ABHD18: variants seen among roughly 807,000 people sequenced by gnomAD.
The protein encoded by ABHD18 is cardiolipin-specific deacylase, mitochondrial.
ABHD18 carries 55 observed loss-of-function variants against 65.9 expected under a neutral mutation model. That is an observed-to-expected ratio of 0.84 (90% CI 0.67 to 1.05). The LOEUF (loss-of-function observed/expected upper bound fraction) is 1.05, where lower values mean the gene tolerates loss of function less well. Among genes scored for constraint, ABHD18 ranks in the 50% least tolerant of loss-of-function variants. The pLI is 0.00. For missense variants in ABHD18, 533 were observed against 558.5 expected (o/e 0.95, Z 0.46); for synonymous variants, 181 against 180.2 (o/e 1.00, Z -0.04).
At position 128,030,681 on chromosome 4, in the gene ABHD18, G is replaced by T. The variant is rs755224580; in HGVS notation, c.1343+9G>T. 3 of 1,573,772 alleles carry T rather than the reference G, an allele frequency of 1.9e-6. No homozygotes were observed. In the African/African-American group the frequency reaches 4.2e-5, roughly 22 times the overall value. The stretch of plus-strand genomic sequence containing the variant: ...AAACAAGGACTCTTCAGGTAAGACG[G>T]CTGGTCTAAACATGTATTCGTTCAT... On this transcript the variant is annotated intron_variant, in intron 12 of 12. Transcript: ENST00000645843.
rs1359365717 is a variant in ABHD18 at position 128,036,476 on chromosome 4, T to TA, written c.*665dup. ...GGCAGGGTGCGGTGGCTCACGCCTGTAATCCCAGCACTGGGATGCTGAAGC... is the reference window on the plus strand; with the variant it reads ...GGCAGGGTGCGGTGGCTCACGCCTGTAAATCCCAGCACTGGGATGCTGAAGC... On this transcript the variant is annotated 3_prime_UTR_variant, in exon 13 of 13. Transcript: ENST00000645843. 1 of 152,346 alleles carries TA rather than the reference T, an allele frequency of 6.6e-6. No homozygotes were observed. Among genetic ancestry groups the TA allele is most frequent in the Non-Finnish European group, 1.5e-5 (1 of 68,148 alleles). The allele number at this position is 152,346 out of a possible 1,614,324, so 9.4% of individuals were successfully genotyped here. A position where few individuals can be genotyped will look rare whatever the true frequency, so the allele number is the denominator to read the frequency against.
intron 7 of ABHD18, among the ~76,000 whole-genome samples, chr4:128,011,925 G>A (rs1373207999): frequency 1.3e-5 from 2 of 151,650 alleles, no homozygotes; most frequent in African/African-American, 4.8e-5. Context: ...ATTTTAACAG[G>A]TAGACTTAAT....
At chr4:127,999,336 C>T (rs947246457) in intron 4 of ABHD18, among the ~76,000 whole-genome samples, 9 of 152,052 alleles carry the variant, frequency 5.9e-5, no homozygotes, top group East Asian at 1.9e-4. Context: ...TAGTTCTTAC[C>T]ATAGCTTAAA....
chr4:128,005,199 G>A (rs141382424), intron 4 of ABHD18, among the ~76,000 whole-genome samples: 3 of 152,266 alleles, frequency 2.0e-5, no homozygotes, highest in East Asian at 3.9e-4. Flanking sequence ...ACTGCACTCC[G>A]GCTTTTGCAA....
chr4:128,017,325 A>G (rs1485560811), intron 7 of ABHD18, 38 bp from the exon 8 acceptor site: 2 of 1,599,812 alleles, frequency 1.3e-6, no homozygotes, highest in South Asian at 1.1e-5. Flanking sequence ...ATGTAAATAC[A>G]TAAAATAATC....
At chr4:128,021,094 G>T in intron 9 of ABHD18, 43 bp from the exon 10 acceptor site, 1 of 1,197,396 alleles carries the variant, frequency 8.4e-7, no homozygotes, top group South Asian at 1.3e-5. Context: ...TGGGCAAATT[G>T]CCTTATGATG....
intron 10 of ABHD18, among the ~76,000 whole-genome samples, chr4:128,026,027 G>A (rs1237600446): frequency 2.6e-5 from 4 of 151,822 alleles, no homozygotes; most frequent in East Asian, 1.9e-4. Context: ...GGTGGCTCAC[G>A]CCTGTAATCC....
At position 128,030,500 on chromosome 4, in the gene ABHD18, C is replaced by A; in HGVS notation, c.1181-10C>A. The A allele has an allele frequency of 6.6e-7, 1 of 1,509,906 alleles. No individual in the cohort carries two copies. Among genetic ancestry groups the A allele is most frequent in the South Asian group, 1.3e-5 (1 of 74,200 alleles). 93.5% of individuals were successfully genotyped at this position (1,509,906 alleles called of 1,614,324 possible). ...TGTATATGTTGAATTTTTAAAAATC[C>A]TATACCTAGTCCCAGTTGATCCAAG... On this transcript the variant is annotated splice_polypyrimidine_tract_variant and intron_variant, in intron 11 of 12. Transcript: ENST00000645843.
Position 128,038,397 on chromosome 4 carries a change from GT to G in ABHD18, c.*2588del, listed in dbSNP as rs1404369216. 1 of 152,080 alleles carries G rather than the reference GT, an allele frequency of 6.6e-6. No individual in the cohort carries two copies. The highest frequency in any genetic ancestry group is 1.5e-5 in the Non-Finnish European group (1 of 68,030). 9.4% of individuals were successfully genotyped at this position (152,080 alleles called of 1,614,324 possible). A position where few individuals can be genotyped will look rare whatever the true frequency, so the allele number is the denominator to read the frequency against. On this transcript the variant is annotated 3_prime_UTR_variant, in exon 13 of 13. Transcript: ENST00000645843. ...ATGATTGAATGCTTTTTGAACAATG[GT>G]TTTAGTAAAACAAATACTTTATTAT... is the stretch of plus-strand genomic sequence containing the variant.
intron 12 of ABHD18, among the ~76,000 whole-genome samples, chr4:128,033,225 G>A (rs1282633936): frequency 6.6e-6 from 1 of 152,020 alleles, no homozygotes; most frequent in East Asian, 1.9e-4. Flanking sequence ...CTGCACTCCA[G>A]CCTGGGTGAC....
chr4:127,974,364 C>T (rs1747488530), intron 1 of ABHD18, among the ~76,000 whole-genome samples: 1 of 150,948 alleles, frequency 6.6e-6, no homozygotes, highest in Admixed American at 6.6e-5. Context: ...TGGACCACTG[C>T]ACCCAACTGT....
intron 1 of ABHD18, among the ~76,000 whole-genome samples, chr4:127,971,940 C>T (rs1308958134): frequency 1.3e-5 from 2 of 152,128 alleles, no homozygotes; most frequent in Non-Finnish European, 2.9e-5. Flanking sequence ...GTTAAGGGCT[C>T]AGTTCTTCAG....
intron 4 of ABHD18, chr4:128,001,840 TG>T (rs373656971): frequency 0.026 from 35,861 of 1,364,068 alleles, 2,115 homozygotes; most frequent in East Asian, 0.25. Flanking sequence ...AGTTTTGTTT[TG>T]TTTTGTTTTT....
intron 1 of ABHD18, among the ~76,000 whole-genome samples, chr4:127,974,871 C>CCA (rs1176499944): frequency 1.6e-4 from 25 of 151,818 alleles, no homozygotes; most frequent in African/African-American, 5.6e-4. Flanking sequence ...TGGTTGTCGC[C>CCA]TGTAATCCCA....
chr4:127,983,412 G>A (rs17393479), intron 2 of ABHD18, among the ~76,000 whole-genome samples: 2,738 of 152,234 alleles, frequency 0.018, 41 homozygotes, highest in Non-Finnish European at 0.028. Flanking sequence ...GGAATACTCC[G>A]TAGCTCACAG....
At chr4:128,025,413 C>G (rs538385914) in intron 10 of ABHD18, among the ~76,000 whole-genome samples, 1 of 152,264 alleles carries the variant, frequency 6.6e-6, no homozygotes, top group African/African-American at 2.4e-5. Context: ...GCTGGGATTA[C>G]AGGTATGAGC....
At position 128,024,565 on chromosome 4, in the gene ABHD18, C is replaced by T. The variant is rs150206232; in HGVS notation, c.801+3327C>T. ...AAAAGTTCAATTTATTGATGTCCCACTCTGAGTAATTCGGGGACCCTTTGA... is the reference window on the plus strand; with the variant it reads ...AAAAGTTCAATTTATTGATGTCCCATTCTGAGTAATTCGGGGACCCTTTGA... On this transcript the variant is annotated intron_variant, in intron 10 of 12. Coordinates refer to ENST00000645843, the MANE Select transcript of ABHD18 (RefSeq NM_001358451.3). 7.4e-3 allele frequency among the ~76,000 whole-genome samples: 1,132 copies of T among 152,302 alleles called. 15 individuals are homozygous for T. Among genetic ancestry groups the T allele is most frequent in the African/African-American group, 0.025 (1,056 of 41,562 alleles).
At chr4:127,984,115 T>C (rs1749557292) in intron 2 of ABHD18, among the ~76,000 whole-genome samples, 1 of 152,188 alleles carries the variant, frequency 6.6e-6, no homozygotes. Flanking sequence ...ATGTATTAAT[T>C]ACTTTCTGAA....
intron 1 of ABHD18, among the ~76,000 whole-genome samples, chr4:127,981,031 T>C (rs949761412): frequency 1.3e-5 from 2 of 152,128 alleles, no homozygotes; most frequent in Non-Finnish European, 2.9e-5. Flanking sequence ...TTTCAACAAA[T>C]CTCATTGGAA....
Sources: gnomAD v4.1 joint callset for allele counts (sites outside exome capture counted in the v4.1 genomes callset) on GRCh38, gnomAD v4.1.1 for gene constraint, MANE v1.5 for transcripts, NCBI Gene and HGNC (gene_info 2026-07-23, HGNC 2026-07-21) for gene names.